Variants in NFIC observed in about 807,000 individuals in gnomAD.
The protein encoded by NFIC is nuclear factor 1 C-type.
A neutral mutation model predicts 54.4 loss-of-function variants in NFIC; 12 were observed. The observed-to-expected ratio is 0.22, with a 90% CI of 0.14 to 0.36. NFIC has a LOEUF of 0.36. NFIC is among the 10% of genes least tolerant of loss of function. The pLI is 1.00. For synonymous variants in NFIC, 322 were observed against 319.2 expected (o/e 1.01, Z -0.09); for missense variants, 575 against 718.2 (o/e 0.80, Z 2.28).
At chr19:3,407,169 A>G (rs921681530) in intron 2 of NFIC, among the ~76,000 whole-genome samples, 1 of 147,286 alleles carries the variant, frequency 6.8e-6, no homozygotes, top group Non-Finnish European at 1.5e-5. Context: ...GCTGGAGTGC[A>G]GTGGTGCGAT....
intron 3 of NFIC, among the ~76,000 whole-genome samples, chr19:3,429,253 TACACACACACACACACACACAC>T (rs57948823): frequency 2.0e-5 from 1 of 50,798 alleles, no homozygotes; most frequent in Non-Finnish European, 3.3e-5. Flanking sequence ...AAAAAATATA[TACACACACACACACACACACAC>T]ACACACACAC....
rs542035368 is a variant in NFIC, at chr19:3,400,249, G to A, written c.562+18006G>A. 4.6e-5 allele frequency among the ~76,000 whole-genome samples: 7 copies of A among 152,332 alleles called. No homozygotes were observed. In the South Asian group the frequency reaches 1.2e-3, roughly 27 times the overall value. ...CCAGCACTTTGGGAGGCTGAGGTGG[G>A]CGGATCATGAGGTCAGGAGATCGAG... On this transcript the variant is annotated intron_variant, in intron 2 of 10. Coordinates refer to ENST00000443272, the MANE Select transcript of NFIC (RefSeq NM_001245002.2).
At chr19:3,450,640 G>GC (rs1391946631) in intron 7 of NFIC, among the ~76,000 whole-genome samples, 1 of 152,024 alleles carries the variant, frequency 6.6e-6, no homozygotes, top group Non-Finnish European at 1.5e-5. Context: ...GGGCAACAGA[G>GC]CAAGACTCCA....
intron 3 of NFIC, among the ~76,000 whole-genome samples, chr19:3,432,797 C>G (rs1473416005): frequency 6.6e-6 from 1 of 151,784 alleles, no homozygotes; most frequent in Non-Finnish European, 1.5e-5. Context: ...GCCTCAGCCT[C>G]CCAGGTAGCT....
chr19:3,427,837 A>C (rs868606280), intron 3 of NFIC, among the ~76,000 whole-genome samples: 100 of 148,424 alleles, frequency 6.7e-4, no homozygotes, highest in African/African-American at 2.3e-3. Flanking sequence ...AAAAAGAAGA[A>C]GAAGAAAGAA....
At chr19:3,435,262 G>A (rs1429776027) in intron 6 of NFIC, 55 bp downstream of exon 6, 3 of 1,478,512 alleles carry the variant, frequency 2.0e-6, no homozygotes, top group Non-Finnish European at 2.7e-6. Context: ...ACCGTGGCGG[G>A]AACTACGTCT....
At chr19:3,429,277 CACACA>C (rs2082083633) in intron 3 of NFIC, among the ~76,000 whole-genome samples, 1 of 142,694 alleles carries the variant, frequency 7.0e-6, no homozygotes, top group Non-Finnish European at 1.5e-5. Context: ...CACACACACA[CACACA>C]CACACACACA....
In NFIC at chr19:3,452,461, C is replaced by T. The variant is rs181536078; in HGVS notation, c.1085-21C>T. 1.8e-4 allele frequency: 295 copies of T among 1,608,804 alleles called. 1 individual carries two copies. The African/African-American group carries it at 3.4e-3, about 18-fold the overall frequency. On this transcript the variant is annotated intron_variant, in intron 7 of 10. Transcript: ENST00000443272. The surrounding 1 kb of genome is among the most constrained non-coding windows in gnomAD (Gnocchi z 5.3). ...CCGGCTGGAGCCCCCAAGTAACCCC[C>T]GCTTCCCACTGTCTCCGCAGGGATC... is the stretch of plus-strand genomic sequence containing the variant.
chr19:3,467,291 A>C lies in NFIC; in HGVS notation c.*4522A>C, dbSNP rs2082729661. ...ATAGGGAGGCCTCCCAAATATATGC[A>C]AATTGTCCCCATTCCGTGGGGGCAC... On this transcript the variant is annotated 3_prime_UTR_variant, in exon 11 of 11. Coordinates refer to ENST00000443272, the MANE Select transcript of NFIC (RefSeq NM_001245002.2). The C allele has an allele frequency of 7.1e-6, 1 of 141,568 alleles. No individual in the cohort carries two copies. Among genetic ancestry groups the C allele is most frequent in the Non-Finnish European group, 1.5e-5 (1 of 66,292 alleles). 8.8% of individuals were successfully genotyped at this position (141,568 alleles called of 1,614,324 possible).
Position 3,409,312 on chromosome 19 carries a change from T to C in NFIC, c.563-15794T>C, listed in dbSNP as rs541431684. Among the ~76,000 whole-genome samples the C allele has an allele frequency of 1.3e-3, 205 of 152,188 alleles. 1 individual carries two copies. The highest frequency in any genetic ancestry group is 4.8e-3 in the African/African-American group (198 of 41,518). ...CAGCTCTCCACATGGCTGGGCTCCT[T>C]CTCCCGCTGGAGAGCCACCGTCACA... is the stretch of plus-strand genomic sequence containing the variant. On this transcript the variant is annotated intron_variant, in intron 2 of 10. Transcript: ENST00000443272.
chr19:3,436,415 C>T lies in NFIC; in HGVS notation c.958+1208C>T, dbSNP rs189059361. 4.9e-3 allele frequency among the ~76,000 whole-genome samples: 730 copies of T among 148,998 alleles called. 11 individuals are homozygous for T. Among genetic ancestry groups the T allele is most frequent in the African/African-American group, 0.017 (704 of 40,452 alleles). On this transcript the variant is annotated intron_variant, in intron 6 of 10. Transcript: ENST00000443272. ...TCAAGTGTGATCTTTCCTCCTGCCT[C>T]GTCCTCCCAAAGTGCTGGGATTCCA...
intron 1 of NFIC, among the ~76,000 whole-genome samples, chr19:3,360,263 G>C (rs1599536340): frequency 6.9e-6 from 1 of 145,754 alleles, no homozygotes; most frequent in Non-Finnish European, 1.5e-5. Context: ...AGCCGGGCGG[G>C]CGGCCGCGCT....
chr19:3,425,290 G>C (rs957064869), intron 3 of NFIC, 113 bp downstream of exon 3: 5 of 1,273,848 alleles, frequency 3.9e-6, no homozygotes, highest in African/African-American at 1.5e-5. Flanking sequence ...GCAGACTGAG[G>C]CTCGGAGAGG....
At chr19:3,404,014 C>CT (rs1397279097) in intron 2 of NFIC, among the ~76,000 whole-genome samples, 28 of 151,976 alleles carry the variant, frequency 1.8e-4, no homozygotes, top group African/African-American at 6.5e-4. Context: ...TCTCCACCCC[C>CT]CCAGCCCCTG....
At chr19:3,422,443 C>T (rs533495287) in intron 2 of NFIC, among the ~76,000 whole-genome samples, 280 of 150,542 alleles carry the variant, frequency 1.9e-3, no homozygotes, top group Non-Finnish European at 3.1e-3. Flanking sequence ...TGAGGCCGGG[C>T]GCGGTGGCTC....
chr19:3,395,459 G>A (rs992190877), intron 2 of NFIC, among the ~76,000 whole-genome samples: 3 of 140,704 alleles, frequency 2.1e-5, no homozygotes. Context: ...AAGTCGCTGG[G>A]GCTGGGATTA....
In NFIC at chr19:3,463,347, A is replaced by G; in HGVS notation, c.*578A>G. 1.0e-6 allele frequency: 1 copy of G among 986,374 alleles called. No individual in the cohort carries two copies. The highest frequency in any genetic ancestry group is 1.2e-6 in the Non-Finnish European group (1 of 830,806). The allele number at this position is 986,374 out of a possible 1,614,324, so 61.1% of individuals were successfully genotyped here. A position where few individuals can be genotyped will look rare whatever the true frequency, so the allele number is the denominator to read the frequency against. The stretch of plus-strand genomic sequence containing the variant: ...ACGCAGCCACTGGGGGGAAAGGGAG[A>G]CACAGCGGACCCCGGCCGGGCAGCG... On this transcript the variant is annotated 3_prime_UTR_variant, in exon 11 of 11. Transcript: ENST00000443272.
At chr19:3,455,638 C>T (rs754090289) in intron 9 of NFIC, among the ~76,000 whole-genome samples, 1 of 151,202 alleles carries the variant, frequency 6.6e-6, no homozygotes, top group Non-Finnish European at 1.5e-5. Context: ...AGATTATGCC[C>T]AGAGCCTGGT....
chr19:3,448,610 G>A lies in NFIC; in HGVS notation c.959-404G>A, dbSNP rs117753687. ...GAGCTGAGCTGGGGCTTGTCTGTGCGCCCTTAGCCAGTCAGGGTCTAACTG... is the reference window on the plus strand; with the variant it reads ...GAGCTGAGCTGGGGCTTGTCTGTGCACCCTTAGCCAGTCAGGGTCTAACTG... On this transcript the variant is annotated intron_variant, in intron 6 of 10. Coordinates refer to ENST00000443272, the MANE Select transcript of NFIC (RefSeq NM_001245002.2). Among the ~76,000 whole-genome samples, 465 of 152,276 alleles carry A rather than the reference G, an allele frequency of 3.1e-3. 5 individuals carry two copies. In the East Asian group the frequency reaches 0.035, roughly 11 times the overall value.
Sources: allele counts gnomAD v4.1 joint callset (sites outside exome capture counted in the v4.1 genomes callset), GRCh38; gene constraint gnomAD v4.1.1; non-coding constraint Gnocchi (gnomAD v3.1); transcripts MANE v1.5; gene names NCBI Gene and HGNC (gene_info 2026-07-23, HGNC 2026-07-21).